CNTN4: variants seen among roughly 807,000 people sequenced by gnomAD.
The protein encoded by CNTN4 is contactin 4, also known as contactin-4.
CNTN4 carries 77 observed loss-of-function variants against 122.5 expected under a neutral mutation model. The ratio of observed to expected loss-of-function variants is 0.63; its 90% CI spans 0.52 to 0.76. The LOEUF (loss-of-function observed/expected upper bound fraction) is 0.76, where lower values mean the gene tolerates loss of function less well. Ranked by LOEUF, CNTN4 falls within the 30% of genes least tolerant of loss-of-function variation. CNTN4 has a pLI of 0.00. For missense variants in CNTN4, 1,256 were observed against 1,259.1 expected (o/e 1.00, Z 0.04); for synonymous variants, 512 against 447.0 (o/e 1.15, Z -1.83).
chr3:2,821,336 T>A (rs1417111920), intron 7 of CNTN4, among the ~76,000 whole-genome samples: 1 of 152,192 alleles, frequency 6.6e-6, no homozygotes, highest in Non-Finnish European at 1.5e-5. Flanking sequence ...CATGCCCTTC[T>A]CTGATTCTTC....
chr3:2,378,012 CTG>C (rs2045885973), intron 3 of CNTN4, among the ~76,000 whole-genome samples: 2 of 152,064 alleles, frequency 1.3e-5, no homozygotes, highest in East Asian at 3.8e-4. Flanking sequence ...TTTCAGTTGT[CTG>C]TATGAGATGG....
intron 2 of CNTN4, among the ~76,000 whole-genome samples, chr3:2,325,088 T>C (rs1181889505): frequency 2.0e-5 from 3 of 152,236 alleles, no homozygotes; most frequent in African/African-American, 7.2e-5. Flanking sequence ...GCTATTTTTG[T>C]AATAATACTA....
chr3:2,866,725 T>C, intron 7 of CNTN4, 27 bp from the exon 8 acceptor site: 1 of 1,594,092 alleles, frequency 6.3e-7, no homozygotes, highest in Non-Finnish European at 8.6e-7. Context: ...AAAGACATAT[T>C]TGTAATGAAG....
rs563202987 is a variant in CNTN4 at position 2,222,806 on chromosome 3, A to G, written c.-144-116372A>G. Among the ~76,000 whole-genome samples, 13 of 152,290 alleles carry G rather than the reference A, an allele frequency of 8.5e-5. 1 individual carries two copies. In the South Asian group the frequency reaches 2.5e-3, roughly 29 times the overall value. On this transcript the variant is annotated intron_variant, in intron 2 of 24. Transcript: ENST00000418658. ...AATGCTGAGATATATGGAATTTGTAAGTCAGATTGTCATTCTGTCATCTTT... is the reference window on the plus strand; with the variant it reads ...AATGCTGAGATATATGGAATTTGTAGGTCAGATTGTCATTCTGTCATCTTT...
At chr3:2,792,052 C>A (rs2092028471) in intron 6 of CNTN4, among the ~76,000 whole-genome samples, 1 of 152,180 alleles carries the variant, frequency 6.6e-6, no homozygotes, top group Non-Finnish European at 1.5e-5. Context: ...TACCTGCAAT[C>A]CTGCACATGT....
At position 2,347,888 on chromosome 3, in the gene CNTN4, G is replaced by C. The variant is rs752508894; in HGVS notation, c.-89+8655G>C. Among the ~76,000 whole-genome samples, 51 of 151,492 alleles carry C rather than the reference G, an allele frequency of 3.4e-4. 1 individual carries two copies. Among genetic ancestry groups the C allele is most frequent in the Non-Finnish European group, 6.0e-4 (41 of 67,864 alleles). ...AGTCATGTTTTCTTGCTTTATCATG[G>C]ATTCAGTTCCTTTTTATTTGTAATT... On this transcript the variant is annotated intron_variant, in intron 3 of 24. Coordinates refer to ENST00000418658, the MANE Select transcript of CNTN4 (RefSeq NM_175607.3).
At chr3:2,792,166 C>T (rs1281189527) in intron 6 of CNTN4, among the ~76,000 whole-genome samples, 2 of 152,200 alleles carry the variant, frequency 1.3e-5, no homozygotes, top group East Asian at 3.9e-4. Context: ...TGCATCCCAG[C>T]ACTTAAGACA....
chr3:2,738,035 G>A (rs1439105650), intron 5 of CNTN4, among the ~76,000 whole-genome samples: 2 of 152,138 alleles, frequency 1.3e-5, no homozygotes, highest in South Asian at 2.1e-4. Flanking sequence ...GAGAAAAAAT[G>A]TCTACTCAGG....
At chr3:3,009,441 C>CT (rs374617072) in intron 14 of CNTN4, among the ~76,000 whole-genome samples, 16,670 of 149,114 alleles carry the variant, frequency 0.11, 948 homozygotes, top group South Asian at 0.16. Context: ...GACAGAATTT[C>CT]TTTTTTTTTT....
At chr3:2,479,655 G>A (rs2151568397) in intron 3 of CNTN4, among the ~76,000 whole-genome samples, 1 of 152,286 alleles carries the variant, frequency 6.6e-6, no homozygotes, top group Admixed American at 6.5e-5. Context: ...ATTACCTGCT[G>A]TAGCTTCCCT....
chr3:2,681,468 A>C (rs931695648), intron 4 of CNTN4, among the ~76,000 whole-genome samples: 1 of 152,182 alleles, frequency 6.6e-6, no homozygotes, highest in Non-Finnish European at 1.5e-5. Context: ...GAGGAGGGTT[A>C]AGAGACCCCA....
intron 4 of CNTN4, among the ~76,000 whole-genome samples, chr3:2,657,016 C>G (rs1210861863): frequency 6.6e-6 from 1 of 152,172 alleles, no homozygotes; most frequent in East Asian, 1.9e-4. Flanking sequence ...TGATCTGGAA[C>G]AGTTCACCCA....
At chr3:2,876,271 C>G (rs1188580316) in intron 8 of CNTN4, among the ~76,000 whole-genome samples, 1 of 152,140 alleles carries the variant, frequency 6.6e-6, no homozygotes, top group East Asian at 1.9e-4. Context: ...CTTGGACAGT[C>G]CACTAGACTA....
At chr3:2,492,622 T>A (rs1304581826) in intron 3 of CNTN4, among the ~76,000 whole-genome samples, 2 of 152,210 alleles carry the variant, frequency 1.3e-5, no homozygotes, top group African/African-American at 4.8e-5. Context: ...TTACTCTTTG[T>A]TGAAATAATT....
chr3:2,698,058 T>A, intron 4 of CNTN4, among the ~76,000 whole-genome samples: 1 of 152,208 alleles, frequency 6.6e-6, no homozygotes, highest in East Asian at 1.9e-4. Context: ...CACATGAAAT[T>A]AATCATCTCA....
At chr3:2,738,632 T>C (rs1220706449) in intron 5 of CNTN4, among the ~76,000 whole-genome samples, 2 of 152,158 alleles carry the variant, frequency 1.3e-5, no homozygotes, top group African/African-American at 4.8e-5. Context: ...CTTGTGAAGA[T>C]AAAAAGAAAA....
chr3:2,662,505 A>G (rs1273108164), intron 4 of CNTN4, among the ~76,000 whole-genome samples: 1 of 152,196 alleles, frequency 6.6e-6, no homozygotes, highest in East Asian at 1.9e-4. Context: ...GAGAGGATAC[A>G]TTTCTTTCAC....
intron 2 of CNTN4, among the ~76,000 whole-genome samples, chr3:2,105,545 C>T (rs564539614): frequency 6.6e-6 from 1 of 152,090 alleles, no homozygotes; most frequent in South Asian, 2.1e-4. Flanking sequence ...GGAGGAAGAG[C>T]CCCTTATAAA....
chr3:2,772,403 G>A (rs537823899), intron 6 of CNTN4, among the ~76,000 whole-genome samples: 4 of 145,856 alleles, frequency 2.7e-5, no homozygotes, highest in South Asian at 2.2e-4. Context: ...AGGTAGGGAC[G>A]GAGACTGAGA....
Sources: gnomAD v4.1 joint callset for allele counts (sites outside exome capture counted in the v4.1 genomes callset) on GRCh38, gnomAD v4.1.1 for gene constraint, MANE v1.5 for transcripts, NCBI Gene and HGNC (gene_info 2026-07-23, HGNC 2026-07-21) for gene names.